Variants in AP4E1 observed in about 807,000 individuals in gnomAD.
AP4E1 encodes the protein AP-4 complex subunit epsilon-1.
A neutral mutation model predicts 128.2 loss-of-function variants in AP4E1; 56 were observed. The ratio of observed to expected loss-of-function variants is 0.44; its 90% CI spans 0.35 to 0.55. The LOEUF (loss-of-function observed/expected upper bound fraction) is 0.55. Among genes scored for constraint, AP4E1 ranks in the 20% least tolerant of loss-of-function variants. The pLI, the probability that AP4E1 is intolerant of heterozygous loss-of-function variation, is 0.00. For missense variants in AP4E1, 1,324 were observed against 1,307.7 expected (o/e 1.01, Z -0.19); for synonymous variants, 484 against 473.1 (o/e 1.02, Z -0.30).
intron 8 of AP4E1, among the ~76,000 whole-genome samples, chr15:50,936,383 GTTTT>G (rs555308137): frequency 4.2e-4 from 64 of 151,116 alleles, no homozygotes; most frequent in Non-Finnish European, 7.4e-4. Flanking sequence ...CTTGCAGAAA[GTTTT>G]TTTTATTTTA....
chr15:50,970,798 T>G (rs1348075129), intron 15 of AP4E1, among the ~76,000 whole-genome samples: 2 of 152,184 alleles, frequency 1.3e-5, no homozygotes, highest in Non-Finnish European at 2.9e-5. Context: ...TGAGTCTTGT[T>G]TTTTGAAAAT....
At chr15:50,960,144 A>G (rs2064291052) in intron 14 of AP4E1, among the ~76,000 whole-genome samples, 1 of 152,206 alleles carries the variant, frequency 6.6e-6, no homozygotes, top group African/African-American at 2.4e-5. Flanking sequence ...TTAAAGCTCA[A>G]GAGAGAGGTA....
chr15:50,941,461 G>A lies in AP4E1; in HGVS notation c.963G>A (p.Val321=). 3 of 1,612,798 alleles carry A rather than the reference G, an allele frequency of 1.9e-6. No homozygotes were observed. Among genetic ancestry groups the A allele is most frequent in the Non-Finnish European group, 2.5e-6 (3 of 1,179,400 alleles). ...TTCTAGCTATTTTGTTTGAATGTGT[G>A]CATACAGTCTATTCTATTTATCCTA... ...NVTYAILFEC[V]HTVYSIYPKS... The change falls in exon 9 of 21, where the codon GTG becomes GTA. Residue 321 remains valine (V), a synonymous_variant. Transcript: ENST00000261842.
intron 11 of AP4E1, among the ~76,000 whole-genome samples, chr15:50,948,362 G>A (rs908672222): frequency 1.7e-5 from 2 of 119,782 alleles, no homozygotes; most frequent in African/African-American, 6.0e-5. Context: ...TTTTTTGCTG[G>A]TTTCTTTTAT....
Position 50,958,003 on chromosome 15 carries a change from A to G in AP4E1, c.1549-489A>G, listed in dbSNP as rs761132915. On this transcript the variant is annotated intron_variant, in intron 13 of 20. Transcript: ENST00000261842. ...TGTTTCTTAAAGTCTCTTCTGTGGA[A>G]TGTCTACATCAGAATCAGCTGATGC... is the stretch of plus-strand genomic sequence containing the variant. Among the ~76,000 whole-genome samples the G allele has an allele frequency of 7.6e-4, 116 of 152,132 alleles. 1 individual carries two copies. The highest frequency in any genetic ancestry group is 1.4e-3 in the Non-Finnish European group (96 of 67,992).
chr15:50,922,782 C>CT (rs397936196), intron 3 of AP4E1, among the ~76,000 whole-genome samples: 30,334 of 144,332 alleles, frequency 0.21, 3,623 homozygotes, highest in East Asian at 0.45. Context: ...TTTTGGGTCT[C>CT]TTTTTTTTTT....
At chr15:50,910,694 C>G (rs757546606) in intron 1 of AP4E1, among the ~76,000 whole-genome samples, 1 of 152,196 alleles carries the variant, frequency 6.6e-6, no homozygotes, top group African/African-American at 2.4e-5. Flanking sequence ...CTCACTCTGT[C>G]GCCCAGGCTG....
At chr15:50,993,345 T>C (rs1477471663) in intron 16 of AP4E1, 25 bp from the exon 17 acceptor site, 7 of 1,613,270 alleles carry the variant, frequency 4.3e-6, no homozygotes, top group Non-Finnish European at 5.1e-6. Context: ...TTAAGTTGAC[T>C]TGATTTTATT....
In AP4E1 at chr15:50,908,830, C is replaced by T; in HGVS notation, c.52C>T (p.Gln18Ter). The change falls in exon 1 of 21, where the codon CAG (glutamine) becomes TAG (stop). Residue 18 changes from glutamine (Q) to a stop codon, truncating the protein, a stop_gained. Transcript: ENST00000261842. LOFTEE classifies it high-confidence loss of function. The stretch of plus-strand genomic sequence containing the variant: ...GACGGCGCTGCCGGGACTCTTTCTG[C>T]AGAACCAGCCCGGTGGTGGGCCCGC... ...TLTALPGLFL[Q>*]NQPGGGPAAA... The T allele has an allele frequency of 6.2e-7, 1 of 1,607,204 alleles. No individual in the cohort carries two copies. The highest frequency in any genetic ancestry group is 8.5e-7 in the Non-Finnish European group (1 of 1,177,996).
intron 16 of AP4E1, among the ~76,000 whole-genome samples, chr15:50,986,933 G>A: frequency 6.6e-6 from 1 of 152,116 alleles, no homozygotes; most frequent in Non-Finnish European, 1.5e-5. Flanking sequence ...GAATCCGTCT[G>A]GTCCTGGACT....
At chr15:51,000,229 C>T (rs2064942653) in intron 19 of AP4E1, among the ~76,000 whole-genome samples, 1 of 150,126 alleles carries the variant, frequency 6.7e-6, no homozygotes, top group African/African-American at 2.5e-5. Context: ...GTAGCCTCGA[C>T]CTCCCAGGCT....
intron 14 of AP4E1, among the ~76,000 whole-genome samples, chr15:50,966,349 C>G (rs372988637): frequency 4.6e-5 from 7 of 152,166 alleles, no homozygotes; most frequent in African/African-American, 1.7e-4. Flanking sequence ...TTCATTAGTT[C>G]TTTCAGTAGT....
intron 3 of AP4E1, among the ~76,000 whole-genome samples, chr15:50,922,767 C>T (rs1469432770): frequency 2.0e-5 from 3 of 150,140 alleles, no homozygotes; most frequent in Non-Finnish European, 4.4e-5. Context: ...TGAGAAATTG[C>T]CTTTTTTTGG....
chr15:50,988,263 T>C (rs898774942), intron 16 of AP4E1, among the ~76,000 whole-genome samples: 6 of 152,202 alleles, frequency 3.9e-5, no homozygotes, highest in African/African-American at 1.4e-4. Context: ...GATGTATGTC[T>C]AGAACTCAGT....
At chr15:50,957,541 T>G (rs946216523) in intron 13 of AP4E1, among the ~76,000 whole-genome samples, 1 of 152,102 alleles carries the variant, frequency 6.6e-6, no homozygotes, top group Non-Finnish European at 1.5e-5. Context: ...CTTTCTGGCT[T>G]GCGGGTGGGG....
intron 15 of AP4E1, among the ~76,000 whole-genome samples, chr15:50,976,958 T>C (rs1002864451): frequency 2.0e-5 from 3 of 152,244 alleles, no homozygotes; most frequent in African/African-American, 4.8e-5. Flanking sequence ...TAAGGCTTTT[T>C]ATATGTTATT....
rs1375312418 is a variant in AP4E1 at position 51,004,927 on chromosome 15, A to G, written c.*2265A>G. The G allele has an allele frequency of 1.3e-5, 2 of 151,852 alleles. No homozygotes were observed. The highest frequency in any genetic ancestry group is 2.9e-5 in the Non-Finnish European group (2 of 67,986). The allele number at this position is 151,852 out of a possible 1,614,324, so 9.4% of individuals were successfully genotyped here. On this transcript the variant is annotated 3_prime_UTR_variant, in exon 21 of 21. Transcript: ENST00000261842. Reference sequence around the variant, plus strand: ...AGACAGAGTTTCACCCTTGTTGCCCAGGCTAGAGTGTAATGGTGCAATCTC... The same window carrying G: ...AGACAGAGTTTCACCCTTGTTGCCCGGGCTAGAGTGTAATGGTGCAATCTC...
intron 19 of AP4E1, 92 bp from the exon 20 acceptor site, chr15:51,000,934 T>G: frequency 9.6e-7 from 1 of 1,042,772 alleles, no homozygotes; most frequent in Non-Finnish European, 1.4e-6. Flanking sequence ...TTTACAATGA[T>G]TATGTTTTAT....
chr15:50,921,805 TTG>T (rs1421677210), intron 3 of AP4E1, among the ~76,000 whole-genome samples: 3 of 152,332 alleles, frequency 2.0e-5, no homozygotes, highest in African/African-American at 7.2e-5. Context: ...TTATTATTCT[TTG>T]TTTCTCTGAA....
Sources: allele counts gnomAD v4.1 joint callset (sites outside exome capture counted in the v4.1 genomes callset), GRCh38; gene constraint gnomAD v4.1.1; transcripts MANE v1.5; gene names NCBI Gene and HGNC (gene_info 2026-07-23, HGNC 2026-07-21).